NPAS3: variants seen among roughly 807,000 people sequenced by gnomAD.
NPAS3 encodes the protein neuronal PAS domain protein 3.
Under a neutral mutation model 73.1 loss-of-function variants are expected in NPAS3, and 14 were observed. That is an observed-to-expected ratio of 0.19 (90% CI 0.13 to 0.30). NPAS3 has a LOEUF of 0.30. Among genes scored for constraint, NPAS3 ranks in the 10% least tolerant of loss-of-function variants. The probability of loss-of-function intolerance (pLI) is 1.00; values close to 1 mark genes in which losing one functional copy is unlikely to be tolerated. For synonymous variants in NPAS3, 620 were observed against 541.5 expected, an observed-to-expected ratio of 1.14 and a Z score of -2.01; for missense variants, 1,096 against 1,250.0, an observed-to-expected ratio of 0.88 and a Z score of 1.86.
intron 3 of NPAS3, among the ~76,000 whole-genome samples, chr14:33,266,641 C>T (rs1055708059): frequency 1.3e-5 from 2 of 152,138 alleles, no homozygotes; most frequent in Non-Finnish European, 2.9e-5. Flanking sequence ...GATAAGAAAA[C>T]TGAGGCTCAT....
chr14:33,012,216 C>G (rs2039229219), intron 1 of NPAS3, among the ~76,000 whole-genome samples: 3 of 152,196 alleles, frequency 2.0e-5, no homozygotes, highest in African/African-American at 4.8e-5. Flanking sequence ...TTTTATCACA[C>G]TTGTTACAGG....
At chr14:33,572,659 C>T (rs560102894) in intron 5 of NPAS3, among the ~76,000 whole-genome samples, 22 of 152,268 alleles carry the variant, frequency 1.4e-4, no homozygotes, top group African/African-American at 5.3e-4. Context: ...ACTGGCATGT[C>T]AAATTATTCG....
At chr14:33,144,926 G>C (rs2044184098) in intron 2 of NPAS3, among the ~76,000 whole-genome samples, 2 of 152,028 alleles carry the variant, frequency 1.3e-5, no homozygotes, top group Admixed American at 6.6e-5. Context: ...TTATGTGTTA[G>C]ATTTTCTGAG....
intron 4 of NPAS3, among the ~76,000 whole-genome samples, chr14:33,396,563 T>A (rs2047230668): frequency 6.6e-6 from 1 of 152,098 alleles, no homozygotes; most frequent in African/African-American, 2.4e-5. Context: ...TGCTGAAAAA[T>A]CCTCACTATT....
intron 4 of NPAS3, among the ~76,000 whole-genome samples, chr14:33,505,346 A>T (rs529088779): frequency 2.4e-4 from 37 of 152,080 alleles, no homozygotes; most frequent in African/African-American, 7.7e-4. Context: ...TACACTCTCT[A>T]GGGGAAAAAA....
chr14:33,549,819 T>C (rs181063561), intron 4 of NPAS3, among the ~76,000 whole-genome samples: 7 of 152,334 alleles, frequency 4.6e-5, no homozygotes, highest in African/African-American at 1.4e-4. Context: ...TTAAAACTCA[T>C]TGAGATTTCG....
chr14:33,712,367 A>G (rs1291413014), intron 6 of NPAS3, among the ~76,000 whole-genome samples: 1 of 152,224 alleles, frequency 6.6e-6, no homozygotes, highest in Non-Finnish European at 1.5e-5. Flanking sequence ...GGCATCTGCT[A>G]TGAATGATAT....
intron 2 of NPAS3, among the ~76,000 whole-genome samples, chr14:33,147,841 T>C (rs2044302274): frequency 1.3e-5 from 2 of 151,070 alleles, no homozygotes. Flanking sequence ...TATTAGAAGA[T>C]GAAAATTTTA....
intron 4 of NPAS3, among the ~76,000 whole-genome samples, chr14:33,382,329 A>G (rs2046592118): frequency 6.6e-6 from 1 of 152,200 alleles, no homozygotes; most frequent in African/African-American, 2.4e-5. Context: ...AAAAGAGATT[A>G]TATTATTTCA....
intron 2 of NPAS3, among the ~76,000 whole-genome samples, chr14:33,100,460 T>C (rs184453149): frequency 6.6e-6 from 1 of 152,304 alleles, no homozygotes; most frequent in African/African-American, 2.4e-5. Flanking sequence ...ATAGGATCTA[T>C]TGCTTCATTC....
At chr14:33,358,635 A>G (rs1347496332) in intron 3 of NPAS3, among the ~76,000 whole-genome samples, 1 of 152,046 alleles carries the variant, frequency 6.6e-6, no homozygotes, top group East Asian at 1.9e-4. Context: ...TTGTACTTTT[A>G]TTGCATATTG....
At chr14:33,141,741 C>A (rs181778851) in intron 2 of NPAS3, among the ~76,000 whole-genome samples, 2 of 152,092 alleles carry the variant, frequency 1.3e-5, no homozygotes, top group South Asian at 2.1e-4. Flanking sequence ...CACATCTTTG[C>A]GTACATTTTG....
At chr14:32,980,563 T>C (rs985002000) in intron 1 of NPAS3, among the ~76,000 whole-genome samples, 1 of 152,216 alleles carries the variant, frequency 6.6e-6, no homozygotes, top group African/African-American at 2.4e-5. Flanking sequence ...TTGGAATAAT[T>C]AAATTATACT....
chr14:33,055,801 GTAAAAA>G, intron 1 of NPAS3, 98 bp from the exon 2 acceptor site: 1 of 593,570 alleles, frequency 1.7e-6, no homozygotes, highest in Non-Finnish European at 3.1e-6. Flanking sequence ...GCTCAAAAGC[GTAAAAA>G]GCAAAATATA....
intron 9 of NPAS3, chr14:33,780,664 C>T (rs776375561): frequency 2.0e-5 from 9 of 453,840 alleles, no homozygotes; most frequent in South Asian, 3.1e-5. Flanking sequence ...GAACAGTGAG[C>T]GAGGGCAGTT....
intron 4 of NPAS3, among the ~76,000 whole-genome samples, chr14:33,430,686 A>C (rs1286961238): frequency 1.3e-5 from 2 of 152,232 alleles, no homozygotes; most frequent in Non-Finnish European, 2.9e-5. Context: ...CACTAACGTG[A>C]GTGCCCAGGG....
chr14:33,356,053 T>C (rs2045324383), intron 3 of NPAS3, among the ~76,000 whole-genome samples: 1 of 152,218 alleles, frequency 6.6e-6, no homozygotes, highest in Non-Finnish European at 1.5e-5. Flanking sequence ...AAGTGAATTA[T>C]ATCCTTTTCA....
intron 4 of NPAS3, among the ~76,000 whole-genome samples, chr14:33,383,698 C>T (rs959704090): frequency 6.6e-6 from 1 of 152,152 alleles, no homozygotes; most frequent in African/African-American, 2.4e-5. Context: ...CTTTTAAAGG[C>T]TTTGCATGAA....
intron 4 of NPAS3, among the ~76,000 whole-genome samples, chr14:33,439,370 C>T (rs908802820): frequency 6.6e-6 from 1 of 152,130 alleles, no homozygotes; most frequent in Non-Finnish European, 1.5e-5. Flanking sequence ...AGTGGTTATA[C>T]CTTGAAATTC....
Sources: gnomAD v4.1 joint callset for allele counts (sites outside exome capture counted in the v4.1 genomes callset) on GRCh38, gnomAD v4.1.1 for gene constraint, MANE v1.5 for transcripts, NCBI Gene and HGNC (gene_info 2026-07-23, HGNC 2026-07-21) for gene names.